Variants in GCM2 observed in about 807,000 individuals in gnomAD.
GCM2 encodes the protein chorion-specific transcription factor GCMb.
In GCM2, 21 loss-of-function variants were observed where a neutral mutation model predicts 24.8. The ratio of observed to expected loss-of-function variants is 0.85; its 90% CI spans 0.60 to 1.22. GCM2 has a LOEUF of 1.22. Ranked by LOEUF, GCM2 falls within the 50% of genes most tolerant of loss-of-function variation. The pLI, the probability that GCM2 is intolerant of heterozygous loss-of-function variation, is 0.00. For missense variants in GCM2, 532 were observed against 645.6 expected (o/e 0.82, Z 1.91); for synonymous variants, 222 against 238.0 (o/e 0.93, Z 0.62).
In GCM2 at chr6:10,874,835, A is replaced by C. The variant is rs1779854515; in HGVS notation, c.681T>G (p.Ile227Met). The C allele has an allele frequency of 6.2e-7, 1 of 1,613,064 alleles. No homozygotes were observed. Among genetic ancestry groups the C allele is most frequent in the South Asian group, 1.1e-5 (1 of 91,056 alleles). Residue 227 changes from isoleucine to methionine, a missense_variant, in exon 5 of 5, where the codon ATT becomes ATG. Transcript: ENST00000379491. The part of the protein sequence containing the change: ...FDIVTETSFP[I>M]PGQPCPSFPK... Reference sequence around the variant, plus strand: ...GGAAGGAAGGGCAAGGCTGCCCTGGAATAGGGAAGCTGGTTTCAGTAACTA... The same window carrying C: ...GGAAGGAAGGGCAAGGCTGCCCTGGCATAGGGAAGCTGGTTTCAGTAACTA...
chr6:10,876,141 GA>G (rs948918963), intron 3 of GCM2, 125 bp from the exon 4 acceptor site: 41 of 1,021,604 alleles, frequency 4.0e-5, no homozygotes, highest in South Asian at 5.4e-5. Flanking sequence ...CAAAATGACA[GA>G]AAAAAAAATT....
chr6:10,873,332 CTG>C lies in GCM2; in HGVS notation c.*661_*662del. On this transcript the variant is annotated 3_prime_UTR_variant, in exon 5 of 5. Coordinates refer to ENST00000379491, the MANE Select transcript of GCM2 (RefSeq NM_004752.4). ...ACAACTCATCATTGTTAGGCTGTCT[CTG>C]TTATGGAAACTATCATGTTATGAAA... is the stretch of plus-strand genomic sequence containing the variant. The C allele has an allele frequency of 6.5e-6, 1 of 153,524 alleles. No individual in the cohort carries two copies. The highest frequency in any genetic ancestry group is 6.4e-5 in the Admixed American group (1 of 15,538). The allele number at this position is 153,524 out of a possible 1,614,324, so 9.5% of individuals were successfully genotyped here. A position where few individuals can be genotyped will look rare whatever the true frequency, so the allele number is the denominator to read the frequency against.
rs772784366 is a variant in GCM2, at chr6:10,874,008, T to C, written c.1508A>G (p.Asn503Ser). The change falls in exon 5 of 5, where the codon AAT becomes AGT. Residue 503 changes from asparagine to serine, a missense_variant. Asn to Ser is a conservative substitution (Grantham distance 46, BLOSUM62 1). This residue lies in a region of GCM2 where 434 missense variants were observed against 521.9 expected (regional missense o/e 0.83). Transcript: ENST00000379491. ...CTGGATTGTCTTTCAAAAATCCTCA[T>C]TGTTGTAGGTAAAGAAGGGACCCAC... Reference protein sequence around the residue: ...DRVGPFFTYNNEDF With the variant: ...DRVGPFFTYNSEDF 2 of 1,613,154 alleles carry C rather than the reference T, an allele frequency of 1.2e-6. No homozygotes were observed. The highest frequency in any genetic ancestry group is 1.7e-6 in the Non-Finnish European group (2 of 1,179,122).
chr6:10,876,375 C>T (rs1369618085), intron 3 of GCM2, 70 bp downstream of exon 3: 17 of 1,038,606 alleles, frequency 1.6e-5, no homozygotes, highest in South Asian at 3.8e-5. Flanking sequence ...CCAAGGCACA[C>T]GACAGGTGGT....
At chr6:10,881,367 A>C (rs1331630273) in intron 1 of GCM2, among the ~76,000 whole-genome samples, 1 of 152,058 alleles carries the variant, frequency 6.6e-6, no homozygotes, top group Non-Finnish European at 1.5e-5. Flanking sequence ...CATGTTGGTC[A>C]GGCTGGTCTT....
Position 10,874,513 on chromosome 6 carries a change from G to A in GCM2, c.1003C>T (p.Pro335Ser), listed in dbSNP as rs1260165935. ...DFTNKQHGWKPALGKPSLVER... is the reference protein window; with the variant it reads ...DFTNKQHGWKSALGKPSLVER... The stretch of plus-strand genomic sequence containing the variant: ...ACAAGGCTGGGTTTTCCAAGAGCTG[G>A]TTTCCAGCCATGCTGTTTGTTGGTG... The change falls in exon 5 of 5, where the codon CCA becomes TCA. Residue 335 changes from proline (P) to serine (S), a missense_variant. Coordinates refer to ENST00000379491, the MANE Select transcript of GCM2 (RefSeq NM_004752.4). The A allele has an allele frequency of 5.6e-6, 9 of 1,614,084 alleles. No homozygotes were observed. In the Middle Eastern group the frequency reaches 6.6e-4, roughly 118 times the overall value.
At position 10,874,920 on chromosome 6, in the gene GCM2, T is replaced by A; in HGVS notation, c.596A>T (p.Gln199Leu). Residue 199 changes from glutamine to leucine, a missense_variant, in exon 5 of 5, where the codon CAA (glutamine) becomes CTA (leucine). Physicochemically the swap from Gln to Leu is moderately radical, Grantham distance 113. This residue lies in a region of GCM2 where 434 missense variants were observed against 521.9 expected (regional missense o/e 0.83). Transcript: ENST00000379491. Reference sequence around the variant, plus strand: ...GTTGCTGAAATGACCACTGCTGTCTTGATTTTCTTCTGCCTAGAAAAATGA... The same window carrying A: ...GTTGCTGAAATGACCACTGCTGTCTAGATTTTCTTCTGCCTAGAAAAATGA... ...RIRESEAEEN[Q>L]DSSGHFSNIP... The A allele has an allele frequency of 6.2e-7, 1 of 1,612,004 alleles. No individual in the cohort carries two copies. The highest frequency in any genetic ancestry group is 2.2e-5 in the East Asian group (1 of 44,862).
At chr6:10,877,472 C>T (rs1779900786) in intron 1 of GCM2, 80 bp from the exon 2 acceptor site, 1 of 1,439,154 alleles carries the variant, frequency 6.9e-7, no homozygotes, top group African/African-American at 1.4e-5. Context: ...TCTCTGAGCA[C>T]ATTAGGATAC....
Position 10,881,917 on chromosome 6 carries a change from G to T in GCM2, c.-124C>A. ...AAAGTGGGGTGTGTGAAGGGGAGGT[G>T]CAGAGAGAGAGAAAGAGAGAGAGGC... On this transcript the variant is annotated 5_prime_UTR_variant, in exon 1 of 5. Coordinates refer to ENST00000379491, the MANE Select transcript of GCM2 (RefSeq NM_004752.4). 1.3e-6 allele frequency: 1 copy of T among 750,740 alleles called. No homozygotes were observed. Among genetic ancestry groups the T allele is most frequent in the Non-Finnish European group, 2.3e-6 (1 of 432,026 alleles). The allele number at this position is 750,740 out of a possible 1,614,324, so 46.5% of individuals were successfully genotyped here. A position where few individuals can be genotyped will look rare whatever the true frequency, so the allele number is the denominator to read the frequency against.
rs1561671284 is a variant in GCM2, at chr6:10,874,413, T to C, written c.1103A>G (p.Tyr368Cys). 6.2e-7 allele frequency: 1 copy of C among 1,614,114 alleles called. No homozygotes were observed. The highest frequency in any genetic ancestry group is 8.5e-7 in the Non-Finnish European group (1 of 1,180,016). ...GGCACCTGGTGGTGGAGTCGTGAGG[T>C]ACCTGCAGGGAAGCTCTGGGTTATA... ...PYYNPELPCRYLTTPPPGAPA... is the reference protein window; with the variant it reads ...PYYNPELPCRCLTTPPPGAPA... Residue 368 changes from tyrosine to cysteine, a missense_variant, in exon 5 of 5, where the codon TAC becomes TGC. By Grantham distance (194) the Tyr-to-Cys change is radical. Around this residue, in one of 3 missense-constraint regions of GCM2, gnomAD observed 434 missense variants for 521.9 expected, o/e 0.83. Coordinates refer to ENST00000379491, the MANE Select transcript of GCM2 (RefSeq NM_004752.4).
chr6:10,876,384 G>T, intron 3 of GCM2, 61 bp downstream of exon 3: 1 of 1,111,110 alleles, frequency 9.0e-7, no homozygotes, highest in South Asian at 1.2e-5. Context: ...ACGACAGGTG[G>T]TTTGGCCTTT....
Position 10,879,366 on chromosome 6 carries a change from T to C in GCM2, c.91-1974A>G, listed in dbSNP as rs73440501. Among the ~76,000 whole-genome samples the C allele has an allele frequency of 2.0e-3, 309 of 152,336 alleles. 2 individuals carry two copies. Among genetic ancestry groups the C allele is most frequent in the African/African-American group, 6.9e-3 (287 of 41,578 alleles). ...TGCCTCACACGAGCTACTGAGGTAG[T>C]GACCCTGGCAATGAAGCCACAGAGA... On this transcript the variant is annotated intron_variant, in intron 1 of 4. Transcript: ENST00000379491.
chr6:10,881,590 G>C (rs934337679), intron 1 of GCM2, 114 bp downstream of exon 1: 5 of 570,382 alleles, frequency 8.8e-6, no homozygotes, highest in African/African-American at 6.7e-5. Flanking sequence ...GTGTGTGTGT[G>C]TGTGTGTGTG....
At chr6:10,875,095 G>A (rs1288437926) in intron 4 of GCM2, among the ~76,000 whole-genome samples, 162 bp from the exon 5 acceptor site, 2 of 152,198 alleles carry the variant, frequency 1.3e-5, no homozygotes, top group African/African-American at 4.8e-5. Flanking sequence ...CGTGGTCCAG[G>A]GGTTGCTAAG....
In GCM2 at chr6:10,881,916, T is replaced by C. The variant is rs1581808086; in HGVS notation, c.-123A>G. 12 of 752,972 alleles carry C rather than the reference T, an allele frequency of 1.6e-5. No individual in the cohort carries two copies. In the South Asian group the frequency reaches 1.6e-4, roughly 10 times the overall value. The allele number at this position is 752,972 out of a possible 1,614,324, so 46.6% of individuals were successfully genotyped here. On this transcript the variant is annotated 5_prime_UTR_variant, in exon 1 of 5. Coordinates refer to ENST00000379491, the MANE Select transcript of GCM2 (RefSeq NM_004752.4). ...GAAAGTGGGGTGTGTGAAGGGGAGGTGCAGAGAGAGAGAAAGAGAGAGAGG... is the reference window on the plus strand; with the variant it reads ...GAAAGTGGGGTGTGTGAAGGGGAGGCGCAGAGAGAGAGAAAGAGAGAGAGG...
rs1006495607 is a variant in GCM2 at position 10,873,467 on chromosome 6, TACAC to T, written c.*524_*527del. On this transcript the variant is annotated 3_prime_UTR_variant, in exon 5 of 5. Coordinates refer to ENST00000379491, the MANE Select transcript of GCM2 (RefSeq NM_004752.4). ...TAGAGATTTTTTGAAAAGCTGTAGATACACACGTTGGAGATAAAACAATCAAAAT... is the reference window on the plus strand; with the variant it reads ...TAGAGATTTTTTGAAAAGCTGTAGATACGTTGGAGATAAAACAATCAAAAT... The T allele has an allele frequency of 6.1e-6, 1 of 165,060 alleles. No homozygotes were observed. The allele number at this position is 165,060 out of a possible 1,614,324, so 10.2% of individuals were successfully genotyped here.
At position 10,874,077 on chromosome 6, in the gene GCM2, A is replaced by G. The variant is rs1208566367; in HGVS notation, c.1439T>C (p.Val480Ala). Residue 480 changes from valine (V) to alanine (A), a missense_variant, in exon 5 of 5, where the codon GTG becomes GCG. Coordinates refer to ENST00000379491, the MANE Select transcript of GCM2 (RefSeq NM_004752.4). ...TGCGGAGCCCAGCCCAGACAGACAC[A>G]CATCCCAAGTCTCTGCTTCATCTGT... ...SRTDEAETWDVCLSGLGSAVS... is the reference protein window; with the variant it reads ...SRTDEAETWDACLSGLGSAVS... 1.2e-6 allele frequency: 2 copies of G among 1,614,174 alleles called. No homozygotes were observed. The highest frequency in any genetic ancestry group is 2.2e-5 in the South Asian group (2 of 91,082).
intron 2 of GCM2, among the ~76,000 whole-genome samples, chr6:10,876,924 G>C (rs1302333341): frequency 6.6e-6 from 1 of 152,242 alleles, no homozygotes; most frequent in African/African-American, 2.4e-5. Flanking sequence ...TTAGCCGGGC[G>C]TGGTGGCGCA....
At position 10,877,240 on chromosome 6, in the gene GCM2, G is replaced by A; in HGVS notation, c.243C>T (p.Cys81=). The A allele has an allele frequency of 3.1e-6, 5 of 1,614,234 alleles. No individual in the cohort carries two copies. The highest frequency in any genetic ancestry group is 4.2e-6 in the Non-Finnish European group (5 of 1,180,046). Reference sequence around the variant, plus strand: ...CCTGTGTACACACCACCACACCCAGGCACGACTTCTTGAGGATGTGGCCAT... The same window carrying A: ...CCTGTGTACACACCACCACACCCAGACACGACTTCTTGAGGATGTGGCCAT... ...NHNGHILKKS[C]LGVVVCTQAC... The change falls in exon 2 of 5, where the codon TGC becomes TGT. Residue 81 remains cysteine, a synonymous_variant. Transcript: ENST00000379491.
Sources: gnomAD v4.1 joint callset for allele counts (sites outside exome capture counted in the v4.1 genomes callset) on GRCh38, gnomAD v4.1.1 for gene constraint, gnomAD v4.1.1 regional missense constraint, MANE v1.5 for transcripts, NCBI Gene and HGNC (gene_info 2026-07-23, HGNC 2026-07-21) for gene names.